Variants in PARP4 observed in about 807,000 individuals in gnomAD.
The protein encoded by PARP4 is protein mono-ADP-ribosyltransferase PARP4.
A neutral mutation model predicts 187.7 loss-of-function variants in PARP4; 120 were observed. The ratio of observed to expected loss-of-function variants is 0.64; its 90% CI spans 0.55 to 0.74. The LOEUF is 0.74. Among genes scored for constraint, PARP4 ranks in the 30% least tolerant of loss-of-function variants. The pLI is 0.00. For missense variants in PARP4, 1,836 were observed against 2,070.5 expected, an observed-to-expected ratio of 0.89 and a Z score of 2.20; for synonymous variants, 654 against 740.9, an observed-to-expected ratio of 0.88 and a Z score of 1.90.
chr13:24,494,424 C>T (rs1276734630), intron 7 of PARP4, 149 bp downstream of exon 7: 2 of 637,608 alleles, frequency 3.1e-6, no homozygotes, highest in East Asian at 5.8e-5. Context: ...GAACTCCTGG[C>T]CTCAAGTGAT....
intron 23 of PARP4, among the ~76,000 whole-genome samples, 200 bp from the exon 24 acceptor site, chr13:24,452,793 G>A (rs913220224): frequency 2.0e-5 from 3 of 152,034 alleles, no homozygotes; most frequent in South Asian, 2.1e-4. Flanking sequence ...ATCACCTCAC[G>A]CTTATTTGAT....
At chr13:24,497,705 TTG>T (rs1869030757) in intron 6 of PARP4, among the ~76,000 whole-genome samples, 1 of 152,140 alleles carries the variant, frequency 6.6e-6, no homozygotes, top group South Asian at 2.1e-4. Context: ...AACAACGGGA[TTG>T]TGTTTGGAGA....
chr13:24,445,795 C>T lies in PARP4; in HGVS notation c.3366+886G>A, dbSNP rs539769241. On this transcript the variant is annotated intron_variant, in intron 27 of 33. Coordinates refer to ENST00000381989, the MANE Select transcript of PARP4 (RefSeq NM_006437.4). ...GTGGGAACACTGACTTGGAGCTGACCAGAAGTGTGGGTAACCTGGGGACCT... is the reference window on the plus strand; with the variant it reads ...GTGGGAACACTGACTTGGAGCTGACTAGAAGTGTGGGTAACCTGGGGACCT... Among the ~76,000 whole-genome samples the T allele has an allele frequency of 3.3e-5, 5 of 152,210 alleles. No homozygotes were observed. The East Asian group carries it at 9.6e-4, about 29-fold the overall frequency.
intron 24 of PARP4, 107 bp from the exon 25 acceptor site, chr13:24,449,924 G>A (rs1871423049): frequency 1.2e-5 from 7 of 605,178 alleles, no homozygotes; most frequent in Non-Finnish European, 1.8e-5. Flanking sequence ...GACATGACGT[G>A]GGGAAGAATG....
In PARP4 at chr13:24,477,779, T is replaced by C. The variant is rs1434236887; in HGVS notation, c.1711A>G (p.Ile571Val). The change falls in exon 14 of 34, where the codon ATA becomes GTA. Residue 571 changes from isoleucine (I) to valine (V), a missense_variant. This residue lies in a region of PARP4 where 1,147 missense variants were observed against 1,214.2 expected (regional missense o/e 0.94). Coordinates refer to ENST00000381989, the MANE Select transcript of PARP4 (RefSeq NM_006437.4). ...IIKFSMPGDQIKDFHPSDHTE... is the reference protein window; with the variant it reads ...IIKFSMPGDQVKDFHPSDHTE... ...TGATCACTAGGATGAAAGTCCTTTA[T>C]CTGATCTCCAGGCATGGAAAATTTA... The C allele has an allele frequency of 2.2e-5, 34 of 1,574,288 alleles. No homozygotes were observed. Among genetic ancestry groups the C allele is most frequent in the Middle Eastern group, 1.7e-4 (1 of 5,982 alleles).
In PARP4 at chr13:24,456,411, A is replaced by G; in HGVS notation, c.2492T>C (p.Leu831Pro). The change falls in exon 21 of 34, where the codon CTC becomes CCC. Residue 831 changes from leucine to proline, a missense_variant. By Grantham distance (98) the Leu-to-Pro change is moderately conservative (BLOSUM62 -3). This residue lies in a region of PARP4 where 1,147 missense variants were observed against 1,214.2 expected (regional missense o/e 0.94). Coordinates refer to ENST00000381989, the MANE Select transcript of PARP4 (RefSeq NM_006437.4). ...ATAGGCAGCAGACAAACCGATGTGG[A>G]GAGAAAATCCACTGCTGTCTAAGGA... ...GSSLDSSGFS[L>P]HIGLSAAYLP... 1 of 1,612,186 alleles carries G rather than the reference A, an allele frequency of 6.2e-7. No homozygotes were observed. Among genetic ancestry groups the G allele is most frequent in the Non-Finnish European group, 8.5e-7 (1 of 1,178,708 alleles).
At position 24,486,161 on chromosome 13, in the gene PARP4, C is replaced by A; in HGVS notation, c.1352+7G>T. On this transcript the variant is annotated splice_region_variant and intron_variant, in intron 11 of 33. Transcript: ENST00000381989. ...AATTTTTGAAAAATAAAGATGGCTA[C>A]TCTTACCGACACAAGATTCCCACGA... 1 of 1,605,108 alleles carries A rather than the reference C, an allele frequency of 6.2e-7. No homozygotes were observed. The highest frequency in any genetic ancestry group is 8.5e-7 in the Non-Finnish European group (1 of 1,177,048).
At position 24,443,685 on chromosome 13, in the gene PARP4, C is replaced by A; in HGVS notation, c.3412G>T (p.Asp1138Tyr). ...AARALIRDYE[D>Y]GILHENETSH... is the part of the protein sequence containing the mutation. Reference sequence around the variant, plus strand: ...GTTTCATTTTCGTGAAGAATGCCATCTTCATAATCTCTGATTAGAGCTCGG... The same window carrying A: ...GTTTCATTTTCGTGAAGAATGCCATATTCATAATCTCTGATTAGAGCTCGG... Residue 1138 changes from aspartate (D) to tyrosine (Y), a missense_variant, in exon 28 of 34, where the codon GAT (aspartate) becomes TAT (tyrosine). Around this residue, in one of 8 missense-constraint regions of PARP4, gnomAD observed 56 missense variants for 56.6 expected, o/e 0.99. Coordinates refer to ENST00000381989, the MANE Select transcript of PARP4 (RefSeq NM_006437.4). The A allele has an allele frequency of 7.4e-6, 12 of 1,613,808 alleles. No homozygotes were observed. The highest frequency in any genetic ancestry group is 1.0e-5 in the Non-Finnish European group (12 of 1,179,708).
intron 1 of PARP4, among the ~76,000 whole-genome samples, chr13:24,506,130 G>T (rs375030946): frequency 6.6e-6 from 1 of 152,262 alleles, no homozygotes; most frequent in South Asian, 2.1e-4. Flanking sequence ...TCTTAAAGGC[G>T]GCGCGTCCGA....
chr13:24,454,926 G>C, intron 22 of PARP4, 91 bp downstream of exon 22: 1 of 1,039,540 alleles, frequency 9.6e-7, no homozygotes, highest in Non-Finnish European at 1.4e-6. Flanking sequence ...CACCACACAG[G>C]CAGGGTCGGG....
rs71865467 is a variant in PARP4, at chr13:24,499,261, G to GTTT, written c.477+37_477+39dup. On this transcript the variant is annotated intron_variant, in intron 5 of 33. Transcript: ENST00000381989. ...ACCCAGAAGACATTCAAACAGGTGT[G>GTTT]TTTTTTTTTTTTTTTGCTAACTAGA... 1.2e-3 allele frequency: 1,578 copies of GTTT among 1,328,042 alleles called. 5 individuals carry two copies. The highest frequency in any genetic ancestry group is 2.2e-3 in the South Asian group (126 of 57,884). The allele number at this position is 1,328,042 out of a possible 1,614,324, so 82.3% of individuals were successfully genotyped here.
chr13:24,466,888 C>T (rs193221301), intron 17 of PARP4, among the ~76,000 whole-genome samples: 12 of 150,058 alleles, frequency 8.0e-5, no homozygotes, highest in African/African-American at 2.0e-4. Context: ...GCAGGAAAAG[C>T]GAGGGAAAGG....
At chr13:24,506,539 C>T (rs1202291614) in intron 1 of PARP4, among the ~76,000 whole-genome samples, 1 of 152,096 alleles carries the variant, frequency 6.6e-6, no homozygotes, top group African/African-American at 2.4e-5. Flanking sequence ...GTTTACAATC[C>T]CTGAGCTAGA....
intron 26 of PARP4, 78 bp from the exon 27 acceptor site, chr13:24,446,839 T>G: frequency 7.3e-7 from 1 of 1,366,262 alleles, no homozygotes; most frequent in Non-Finnish European, 1.0e-6. Flanking sequence ...ATTCTTTTGG[T>G]GATTTTCTCT....
chr13:24,431,778 A>C (rs1313773161), intron 31 of PARP4, among the ~76,000 whole-genome samples: 1 of 152,274 alleles, frequency 6.6e-6, no homozygotes, highest in Non-Finnish European at 1.5e-5. Context: ...ACTGTAAAAT[A>C]AAGTTCTTCA....
At chr13:24,462,852 T>C (rs77280789) in intron 17 of PARP4, among the ~76,000 whole-genome samples, 2,057 of 146,074 alleles carry the variant, frequency 0.014, 128 homozygotes, top group Admixed American at 0.11. Flanking sequence ...CAAAATAAAA[T>C]GCAACAAGAA....
Position 24,486,316 on chromosome 13 carries a change from T to C in PARP4, c.1215-11A>G. On this transcript the variant is annotated splice_polypyrimidine_tract_variant and intron_variant, in intron 10 of 33. Transcript: ENST00000381989. Reference sequence around the variant, plus strand: ...TCCACTGGGCTCTTACTGTAAGAATTAGAAGAAAAGCCTTTAGATTACATA... The same window carrying C: ...TCCACTGGGCTCTTACTGTAAGAATCAGAAGAAAAGCCTTTAGATTACATA... 6.4e-7 allele frequency: 1 copy of C among 1,550,644 alleles called. No individual in the cohort carries two copies. The highest frequency in any genetic ancestry group is 8.9e-7 in the Non-Finnish European group (1 of 1,129,110).
intron 21 of PARP4, 66 bp from the exon 22 acceptor site, chr13:24,455,278 G>A: frequency 8.0e-7 from 1 of 1,245,034 alleles, no homozygotes; most frequent in South Asian, 1.7e-5. Context: ...GGTCTACTTA[G>A]AAAACTCCAA....
At chr13:24,495,169 C>T (rs1334631960) in intron 6 of PARP4, among the ~76,000 whole-genome samples, 2 of 152,108 alleles carry the variant, frequency 1.3e-5, no homozygotes, top group African/African-American at 4.8e-5. Flanking sequence ...CCATGCCTGG[C>T]CAGAATTACC....
Sources: allele counts gnomAD v4.1 joint callset (sites outside exome capture counted in the v4.1 genomes callset), GRCh38; gene constraint gnomAD v4.1.1; regional missense constraint gnomAD v4.1.1; transcripts MANE v1.5; gene names NCBI Gene and HGNC (gene_info 2026-07-23, HGNC 2026-07-21).